Variants in SYT1 observed in about 807,000 individuals in gnomAD.
SYT1 encodes the protein synaptotagmin-1.
In SYT1, 8 loss-of-function variants were observed where a neutral mutation model predicts 44.8. The ratio of observed to expected loss-of-function variants is 0.18; its 90% CI spans 0.10 to 0.32. The LOEUF is 0.32. Ranked by LOEUF, SYT1 falls within the 10% of genes least tolerant of loss-of-function variation. SYT1 has a pLI of 1.00. For synonymous variants in SYT1, 154 were observed against 188.8 expected, an observed-to-expected ratio of 0.82 and a Z score of 1.51; for missense variants, 286 against 509.3, an observed-to-expected ratio of 0.56 and a Z score of 4.22.
At chr12:79,190,785 G>A (rs1873068511) in intron 3 of SYT1, among the ~76,000 whole-genome samples, 1 of 152,038 alleles carries the variant, frequency 6.6e-6, no homozygotes, top group Non-Finnish European at 1.5e-5. Context: ...AATTTTTATA[G>A]CATTTGATCA....
intron 3 of SYT1, among the ~76,000 whole-genome samples, chr12:79,170,897 A>G (rs1229878941): frequency 1.3e-5 from 2 of 151,924 alleles, no homozygotes; most frequent in African/African-American, 4.8e-5. Flanking sequence ...TCCAGCTTCA[A>G]TCTTTTTCAT....
At chr12:79,263,415 G>C (rs368135779) in intron 4 of SYT1, among the ~76,000 whole-genome samples, 1 of 151,544 alleles carries the variant, frequency 6.6e-6, no homozygotes, top group East Asian at 1.9e-4. Context: ...ACTATATTTT[G>C]TGTTTTATAT....
chr12:79,005,158 C>T (rs1300648001), intron 2 of SYT1, among the ~76,000 whole-genome samples: 1 of 151,886 alleles, frequency 6.6e-6, no homozygotes, highest in Admixed American at 6.6e-5. Context: ...AGCGGAGAAC[C>T]TTATTTCAAG....
At chr12:79,273,131 T>A (rs556618431) in intron 4 of SYT1, among the ~76,000 whole-genome samples, 6 of 151,428 alleles carry the variant, frequency 4.0e-5, no homozygotes, top group African/African-American at 1.2e-4. Flanking sequence ...CTTTTTTTTT[T>A]TTTTTGACAA....
At chr12:78,965,413 T>G (rs1302613354) in intron 1 of SYT1, among the ~76,000 whole-genome samples, 3 of 152,198 alleles carry the variant, frequency 2.0e-5, no homozygotes, top group Non-Finnish European at 4.4e-5. Context: ...ATCCTCTGTT[T>G]CCAGCTTCCT....
intron 3 of SYT1, among the ~76,000 whole-genome samples, chr12:79,214,947 G>A (rs201210938): frequency 7.4e-3 from 130 of 17,506 alleles, no homozygotes; most frequent in African/African-American, 0.04. Flanking sequence ...GTATATGTGT[G>A]TGTGTGTGTG....
intron 3 of SYT1, among the ~76,000 whole-genome samples, chr12:79,181,888 TC>T (rs1872569960): frequency 1.3e-5 from 2 of 152,018 alleles, no homozygotes; most frequent in African/African-American, 4.8e-5. Context: ...CACTCTTTTT[TC>T]TCTTTCTCCT....
chr12:79,137,486 C>T (rs893503535), intron 3 of SYT1, among the ~76,000 whole-genome samples: 1 of 152,088 alleles, frequency 6.6e-6, no homozygotes, highest in Admixed American at 6.6e-5. Flanking sequence ...CACAATAATA[C>T]AAGAGCAATG....
At chr12:78,992,628 C>A (rs553842965) in intron 2 of SYT1, among the ~76,000 whole-genome samples, 1 of 152,232 alleles carries the variant, frequency 6.6e-6, no homozygotes, top group South Asian at 2.1e-4. Flanking sequence ...TGTCAGCCTA[C>A]AGAATTGGAC....
intron 3 of SYT1, among the ~76,000 whole-genome samples, chr12:79,214,563 T>G (rs1565858784): frequency 6.6e-6 from 1 of 152,142 alleles, no homozygotes; most frequent in Admixed American, 6.5e-5. Flanking sequence ...AAATGAAAAC[T>G]ATTTAGCAAC....
At chr12:78,876,822 T>C (rs1252467677) in intron 1 of SYT1, among the ~76,000 whole-genome samples, 95 of 88,118 alleles carry the variant, frequency 1.1e-3, no homozygotes, top group African/African-American at 4.7e-3. Flanking sequence ...ACATATCATA[T>C]ATTATATGTA....
intron 2 of SYT1, among the ~76,000 whole-genome samples, chr12:78,992,908 A>G (rs759890187): frequency 2.6e-5 from 4 of 152,174 alleles, no homozygotes; most frequent in Admixed American, 6.6e-5. Flanking sequence ...CTTATTTAGT[A>G]TATGTAAGAG....
intron 3 of SYT1, among the ~76,000 whole-genome samples, chr12:79,197,143 A>T (rs1306517386): frequency 2.0e-5 from 3 of 152,314 alleles, no homozygotes; most frequent in African/African-American, 7.2e-5. Context: ...AGTAGTTGGA[A>T]ATGGGGGAAC....
intron 3 of SYT1, among the ~76,000 whole-genome samples, chr12:79,051,800 C>T (rs924640357): frequency 5.3e-5 from 8 of 151,984 alleles, no homozygotes; most frequent in Non-Finnish European, 1.2e-4. Context: ...TTCCCCATTG[C>T]TTGTTTTTGT....
intron 9 of SYT1, among the ~76,000 whole-genome samples, chr12:79,360,242 A>G (rs1366003208): frequency 6.6e-6 from 1 of 151,942 alleles, no homozygotes; most frequent in African/African-American, 2.4e-5. Context: ...TTTGCTTTAT[A>G]TAATGGAATT....
chr12:79,283,054 T>G (rs1348728771), intron 4 of SYT1, among the ~76,000 whole-genome samples: 4 of 152,148 alleles, frequency 2.6e-5, no homozygotes, highest in African/African-American at 9.6e-5. Flanking sequence ...TTAAATAAAA[T>G]TTTAACATGA....
chr12:78,943,603 T>C (rs1878502780), intron 1 of SYT1, among the ~76,000 whole-genome samples: 1 of 152,084 alleles, frequency 6.6e-6, no homozygotes, highest in African/African-American at 2.4e-5. Flanking sequence ...CAACATGAGA[T>C]TTGGCAGGGA....
At chr12:79,271,832 C>G (rs1878442677) in intron 4 of SYT1, among the ~76,000 whole-genome samples, 1 of 152,006 alleles carries the variant, frequency 6.6e-6, no homozygotes, top group Non-Finnish European at 1.5e-5. Flanking sequence ...TACAGAGAGC[C>G]AAGATTTAAG....
intron 4 of SYT1, among the ~76,000 whole-genome samples, chr12:79,227,109 C>T (rs1875567476): frequency 3.3e-5 from 5 of 152,108 alleles, no homozygotes; most frequent in Admixed American, 3.3e-4. Flanking sequence ...AGGGGTGTCA[C>T]AATGGCAAGG....
Sources: gnomAD v4.1 joint callset for allele counts (sites outside exome capture counted in the v4.1 genomes callset) on GRCh38, gnomAD v4.1.1 for gene constraint, MANE v1.5 for transcripts, NCBI Gene and HGNC (gene_info 2026-07-23, HGNC 2026-07-21) for gene names.